The following TYW1B variants were observed in gnomAD, a reference collection of about 807,000 sequenced individuals.
TYW1B encodes the protein S-adenosyl-L-methionine-dependent tRNA 4-demethylwyosine synthase TYW1B.
A neutral mutation model predicts 86.9 loss-of-function variants in TYW1B; 73 were observed. That is an observed-to-expected ratio of 0.84 (90% CI 0.70 to 1.02). The LOEUF is 1.02. Ranked by LOEUF, TYW1B falls within the 50% of genes least tolerant of loss-of-function variation. The pLI, the probability that TYW1B is intolerant of heterozygous loss-of-function variation, is 0.00. For missense variants in TYW1B, 637 were observed against 827.4 expected (o/e 0.77, Z 2.82); for synonymous variants, 248 against 292.8 (o/e 0.85, Z 1.56).
At chr7:72,686,235 T>C (rs1279007526) in intron 11 of TYW1B, among the ~76,000 whole-genome samples, 1 of 152,166 alleles carries the variant, frequency 6.6e-6, no homozygotes, top group Admixed American at 6.6e-5. Context: ...GCTGAAAATT[T>C]ATATTCAAAC....
intron 11 of TYW1B, among the ~76,000 whole-genome samples, chr7:72,649,900 T>C (rs1184628184): frequency 6.6e-6 from 1 of 152,040 alleles, no homozygotes; most frequent in Non-Finnish European, 1.5e-5. Context: ...TCAGAATTTT[T>C]ATTTTTTGAG....
chr7:72,662,404 C>T (rs1813349776), intron 11 of TYW1B, among the ~76,000 whole-genome samples: 1 of 148,894 alleles, frequency 6.7e-6, no homozygotes, highest in Non-Finnish European at 1.5e-5. Context: ...TGATATATCC[C>T]TTCAGGTTTT....
chr7:72,590,858 G>A (rs191119194), intron 13 of TYW1B, among the ~76,000 whole-genome samples: 1 of 152,262 alleles, frequency 6.6e-6, no homozygotes, highest in African/African-American at 2.4e-5. Flanking sequence ...CTGACCCTGA[G>A]AAAGGGTAGA....
intron 12 of TYW1B, among the ~76,000 whole-genome samples, chr7:72,620,014 G>A (rs1356961457): frequency 3.9e-5 from 6 of 152,046 alleles, no homozygotes; most frequent in African/African-American, 9.7e-5. Flanking sequence ...TGCCTGCTGC[G>A]GTTCATTATC....
At chr7:72,715,740 A>T (rs141200644) in intron 9 of TYW1B, among the ~76,000 whole-genome samples, 1 of 151,566 alleles carries the variant, frequency 6.6e-6, no homozygotes, top group African/African-American at 2.4e-5. Flanking sequence ...TGAACTTAAG[A>T]GTTAAAAAAA....
intron 10 of TYW1B, among the ~76,000 whole-genome samples, chr7:72,704,479 T>G (rs1554453278): frequency 7.1e-6 from 1 of 141,140 alleles, no homozygotes; most frequent in Non-Finnish European, 1.5e-5. Flanking sequence ...CCAGGCATGG[T>G]GGCTCCCACC....
intron 2 of TYW1B, among the ~76,000 whole-genome samples, chr7:72,817,003 GT>G (rs1464142711): frequency 1.3e-5 from 2 of 152,176 alleles, no homozygotes; most frequent in Non-Finnish European, 2.9e-5. Context: ...AGGCAGTGGT[GT>G]GGAACCCTAA....
At chr7:72,703,014 ATATATATATATATTT>A (rs1563064799) in intron 10 of TYW1B, among the ~76,000 whole-genome samples, 1 of 49,004 alleles carries the variant, frequency 2.0e-5, no homozygotes, top group African/African-American at 6.4e-5. Flanking sequence ...ATATATATAT[ATATATATATATATTT>A]TTTTTTTTTT....
intron 7 of TYW1B, among the ~76,000 whole-genome samples, chr7:72,744,895 A>T (rs556580635): frequency 6.6e-6 from 1 of 152,266 alleles, no homozygotes; most frequent in Admixed American, 6.5e-5. Context: ...TAATATTAGT[A>T]CAATAGTATA....
At chr7:72,699,608 G>A (rs1165823461) in intron 10 of TYW1B, among the ~76,000 whole-genome samples, 1 of 151,762 alleles carries the variant, frequency 6.6e-6, no homozygotes. Flanking sequence ...TTACCTCAAA[G>A]TAGAATCTGA....
At chr7:72,800,197 C>T (rs1554475351) in intron 6 of TYW1B, among the ~76,000 whole-genome samples, 2 of 151,308 alleles carry the variant, frequency 1.3e-5, no homozygotes, top group Non-Finnish European at 2.9e-5. Flanking sequence ...AGATGTTTCA[C>T]ATCTTTTTTT....
chr7:72,820,072 T>G (rs1414601865), intron 2 of TYW1B, among the ~76,000 whole-genome samples: 3 of 152,046 alleles, frequency 2.0e-5, no homozygotes, highest in African/African-American at 7.2e-5. Flanking sequence ...GTCAGGAGTT[T>G]GCGACCAGCC....
chr7:72,708,138 T>C (rs1453594185), intron 10 of TYW1B, among the ~76,000 whole-genome samples: 1 of 152,244 alleles, frequency 6.6e-6, no homozygotes, highest in Middle Eastern at 3.4e-3. Flanking sequence ...AACAGACTAA[T>C]ACACAGTTAC....
chr7:72,595,384 TTC>T (rs1554432369), intron 13 of TYW1B, among the ~76,000 whole-genome samples: 1 of 152,022 alleles, frequency 6.6e-6, no homozygotes, highest in African/African-American at 2.4e-5. Flanking sequence ...CAAAAACAGG[TTC>T]ATCAACAATA....
chr7:72,810,002 A>C (rs1788574712), intron 4 of TYW1B, among the ~76,000 whole-genome samples: 1 of 148,154 alleles, frequency 6.7e-6, no homozygotes, highest in Non-Finnish European at 1.5e-5. Context: ...CTGTTTCCAA[A>C]AAAAAAAAAA....
Position 72,717,110 on chromosome 7 carries a change from G to A in TYW1B, c.1193-3312C>T, listed in dbSNP as rs544553961. ...GAAGTCAGGAGTTCAAGACCAGCTC[G>A]GCCAACATGGCAAAACCTCATCTCT... is the stretch of plus-strand genomic sequence containing the variant. On this transcript the variant is annotated intron_variant, in intron 9 of 13. Coordinates refer to ENST00000620995, the MANE Select transcript of TYW1B (RefSeq NM_001145440.3). 3.2e-4 allele frequency among the ~76,000 whole-genome samples: 49 copies of A among 151,880 alleles called. No homozygotes were observed. The South Asian group carries it at 6.5e-3, about 20-fold the overall frequency.
chr7:72,781,454 C>T (rs1788047706), intron 6 of TYW1B, among the ~76,000 whole-genome samples: 1 of 152,126 alleles, frequency 6.6e-6, no homozygotes, highest in South Asian at 2.1e-4. Context: ...GCCTATAAAA[C>T]CTGCCCCAGC....
At chr7:72,582,100 G>A (rs1811168615) in intron 13 of TYW1B, among the ~76,000 whole-genome samples, 1 of 149,004 alleles carries the variant, frequency 6.7e-6, no homozygotes, top group African/African-American at 2.5e-5. Flanking sequence ...TAATATTAAA[G>A]AACTAGTCCA....
chr7:72,749,124 C>T (rs1787444109), intron 7 of TYW1B, among the ~76,000 whole-genome samples: 1 of 151,930 alleles, frequency 6.6e-6, no homozygotes, highest in African/African-American at 2.4e-5. Flanking sequence ...AGGATTATTC[C>T]GATTATATAT....
Sources: gnomAD v4.1 joint callset for allele counts (sites outside exome capture counted in the v4.1 genomes callset) on GRCh38, gnomAD v4.1.1 for gene constraint, MANE v1.5 for transcripts, NCBI Gene and HGNC (gene_info 2026-07-23, HGNC 2026-07-21) for gene names.